SEMA3D: variants seen among roughly 807,000 people sequenced by gnomAD.
SEMA3D encodes semaphorin 3D, also known as semaphorin-3D.
Under a neutral mutation model 100.1 loss-of-function variants are expected in SEMA3D, and 84 were observed. The observed-to-expected ratio is 0.84, with a 90% CI of 0.70 to 1.01. SEMA3D has a LOEUF of 1.01. Among genes scored for constraint, SEMA3D ranks in the 50% least tolerant of loss-of-function variants. SEMA3D has a pLI of 0.00. For synonymous variants in SEMA3D, 312 were observed against 320.7 expected (o/e 0.97, Z 0.29); for missense variants, 875 against 934.1 (o/e 0.94, Z 0.82).
intron 2 of SEMA3D, among the ~76,000 whole-genome samples, chr7:85,137,385 G>GTA (rs1789899032): frequency 6.6e-6 from 1 of 151,760 alleles, no homozygotes; most frequent in Non-Finnish European, 1.5e-5. Flanking sequence ...GTGTGTGTGT[G>GTA]TATATATATA....
chr7:85,015,278 T>C, intron 15 of SEMA3D, 62 bp from the exon 16 acceptor site: 1 of 1,483,182 alleles, frequency 6.7e-7, no homozygotes, highest in Non-Finnish European at 9.3e-7. Flanking sequence ...AAGAATTTCC[T>C]TTTCTTGAAT....
the SEMA3D span, among the ~76,000 whole-genome samples, chr7:85,214,474 C>T: frequency 1.3e-5 from 2 of 152,060 alleles, no homozygotes. Context: ...AGATGTGTAT[C>T]TCTTTATTAA....
At chr7:85,029,309 T>C (rs765018393) in intron 12 of SEMA3D, 13 of 1,185,410 alleles carry the variant, frequency 1.1e-5, no homozygotes, top group Non-Finnish European at 1.6e-5. Flanking sequence ...ATTGAGCCTA[T>C]GGTCCAGGAA....
chr7:85,228,122 T>A, the SEMA3D span, among the ~76,000 whole-genome samples: 1 of 152,126 alleles, frequency 6.6e-6, no homozygotes, highest in South Asian at 2.1e-4. Context: ...AAATGACACA[T>A]CTCTCTTAAA....
intron 9 of SEMA3D, among the ~76,000 whole-genome samples, chr7:85,054,393 A>G (rs1027278378): frequency 6.6e-6 from 1 of 152,070 alleles, no homozygotes; most frequent in Non-Finnish European, 1.5e-5. Context: ...GCATGCTTCA[A>G]TACACTAACA....
chr7:85,093,271 A>G (rs1258067504), intron 4 of SEMA3D, among the ~76,000 whole-genome samples: 1 of 152,026 alleles, frequency 6.6e-6, no homozygotes, highest in Non-Finnish European at 1.5e-5. Flanking sequence ...ACTTATAGTT[A>G]CCCTCCTTTC....
chr7:85,249,815 G>A, the SEMA3D span, among the ~76,000 whole-genome samples: 1 of 152,178 alleles, frequency 6.6e-6, no homozygotes, highest in Non-Finnish European at 1.5e-5. Context: ...GCATCTAGAA[G>A]TCTGTAGTAA....
At chr7:85,062,807 C>G (rs1413681968) in intron 8 of SEMA3D, among the ~76,000 whole-genome samples, 1 of 151,926 alleles carries the variant, frequency 6.6e-6, no homozygotes, top group Non-Finnish European at 1.5e-5. Context: ...CACTTAGTTA[C>G]AGGAAAAGGT....
chr7:85,219,873 T>C, the SEMA3D span, among the ~76,000 whole-genome samples: 2 of 152,090 alleles, frequency 1.3e-5, no homozygotes, highest in East Asian at 1.9e-4. Context: ...TTTTGAGTTA[T>C]AGATTATTCA....
At chr7:85,106,199 T>C (rs376493051) in intron 3 of SEMA3D, among the ~76,000 whole-genome samples, 2 of 152,080 alleles carry the variant, frequency 1.3e-5, no homozygotes, top group African/African-American at 2.4e-5. Flanking sequence ...CTGAGCACGA[T>C]TGATACTACT....
intron 6 of SEMA3D, among the ~76,000 whole-genome samples, chr7:85,071,346 G>C (rs965233866): frequency 6.6e-6 from 1 of 152,136 alleles, no homozygotes; most frequent in African/African-American, 2.4e-5. Flanking sequence ...AGTTGAGTCT[G>C]GGCTGGTTAG....
chr7:85,047,331 G>A (rs920262975), intron 9 of SEMA3D, among the ~76,000 whole-genome samples: 1 of 151,706 alleles, frequency 6.6e-6, no homozygotes, highest in Non-Finnish European at 1.5e-5. Context: ...AGGGTAATAT[G>A]GCATTATATT....
chr7:85,188,544 T>G (rs1791624214), upstream of SEMA3D, among the ~76,000 whole-genome samples: 1 of 152,256 alleles, frequency 6.6e-6, no homozygotes, highest in Non-Finnish European at 1.5e-5. Flanking sequence ...TGCACTTCCA[T>G]GCAAATTGCA....
rs1266823747 is a variant in SEMA3D, at chr7:84,999,502, T to G, written c.2272A>C (p.Lys758Gln). The stretch of plus-strand genomic sequence containing the variant: ...CTGTGATGTCTTCGATTTCGTTTCT[T>G]CTTCATTTCCTGCATGTGCTTCCAC... ...PKWKHMQEMK[K>Q]KRNRRHHRDL... Residue 758 changes from lysine to glutamine, a missense_variant, in exon 19 of 19, where the codon AAG becomes CAG. Transcript: ENST00000284136. 6.2e-7 allele frequency: 1 copy of G among 1,614,130 alleles called. No individual in the cohort carries two copies. Among genetic ancestry groups the G allele is most frequent in the Admixed American group, 1.7e-5 (1 of 59,992 alleles).
At chr7:85,055,257 T>C (rs1791275881) in intron 9 of SEMA3D, among the ~76,000 whole-genome samples, 1 of 152,092 alleles carries the variant, frequency 6.6e-6, no homozygotes, top group South Asian at 2.1e-4. Context: ...TAAATTACTC[T>C]AGGGATTACG....
At chr7:85,053,237 A>G (rs187890212) in intron 9 of SEMA3D, among the ~76,000 whole-genome samples, 61 of 152,112 alleles carry the variant, frequency 4.0e-4, no homozygotes, top group African/African-American at 1.1e-3. Context: ...AAACTCAGTG[A>G]AGCATACACA....
rs904128526 is a variant in SEMA3D at position 84,997,725 on chromosome 7, G to GAT, written c.*1713_*1714dup. On this transcript the variant is annotated 3_prime_UTR_variant, in exon 19 of 19. Coordinates refer to ENST00000284136, the MANE Select transcript of SEMA3D (RefSeq NM_001384900.1). Reference sequence around the variant, plus strand: ...GTTTTCTCACAGACTTTTCTTTCAAGATATGTAGAATGCATGAGAAACGAG... The same window carrying GAT: ...GTTTTCTCACAGACTTTTCTTTCAAGATATATGTAGAATGCATGAGAAACGAG... 110 of 152,294 alleles carry GAT rather than the reference G, an allele frequency of 7.2e-4. No individual in the cohort carries two copies. Among genetic ancestry groups the GAT allele is most frequent in the African/African-American group, 2.6e-3 (106 of 41,254 alleles). The allele number at this position is 152,294 out of a possible 1,614,324, so 9.4% of individuals were successfully genotyped here.
intron 13 of SEMA3D, among the ~76,000 whole-genome samples, chr7:85,020,992 GAAGT>G (rs1402511540): frequency 1.3e-5 from 2 of 151,332 alleles, no homozygotes; most frequent in African/African-American, 2.4e-5. Flanking sequence ...GAAATTAAAT[GAAGT>G]GTCAGGTTAG....
At chr7:85,026,762 T>C (rs1207359791) in intron 12 of SEMA3D, among the ~76,000 whole-genome samples, 1 of 152,048 alleles carries the variant, frequency 6.6e-6, no homozygotes, top group African/African-American at 2.4e-5. Flanking sequence ...AAGAAATACA[T>C]ATATTCTGAG....
Sources: gnomAD v4.1 joint callset for allele counts (sites outside exome capture counted in the v4.1 genomes callset) on GRCh38, gnomAD v4.1.1 for gene constraint, MANE v1.5 for transcripts, NCBI Gene and HGNC (gene_info 2026-07-23, HGNC 2026-07-21) for gene names.